Variants in BTD observed in about 807,000 individuals in gnomAD.
BTD encodes the protein biotinidase.
Under a neutral mutation model 17.7 loss-of-function variants are expected in BTD, and 13 were observed. That is an observed-to-expected ratio of 0.74 (90% confidence interval 0.48 to 1.17). BTD has a LOEUF of 1.17. BTD is among the 50% of genes most tolerant of loss of function. The pLI, the probability that BTD is intolerant of heterozygous loss-of-function variation, is 0.00. For synonymous variants in BTD, 240 were observed against 245.2 expected (o/e 0.98, Z 0.20); for missense variants, 674 against 650.4 (o/e 1.04, Z -0.39).
chr3:15,695,215 C>A, intron 3 of BTD: 8 of 1,583,666 alleles, frequency 5.1e-6, no homozygotes, highest in Non-Finnish European at 6.9e-6. Context: ...CACTTGCAAT[C>A]TGAAATAAAA....
chr3:15,635,936 A>G lies in BTD; in HGVS notation c.249+248A>G, dbSNP rs2065336535. ...GGCGGCACCCCAGACCTACTGAATC[A>G]GAATGTGCATTGCAGCAGGATCCCC... On this transcript the variant is annotated intron_variant, in intron 2 of 3. Transcript: ENST00000643237. This position sits in a 1 kb window ranked among gnomAD's most constrained non-coding sequence, Gnocchi z 4.1. Among the ~76,000 whole-genome samples the G allele has an allele frequency of 6.6e-6, 1 of 152,212 alleles. No individual in the cohort carries two copies. Among genetic ancestry groups the G allele is most frequent in the Non-Finnish European group, 1.5e-5 (1 of 68,026 alleles).
chr3:15,696,285 C>G (rs1430205319), intron 3 of BTD: 2 of 1,288,526 alleles, frequency 1.6e-6, no homozygotes, highest in East Asian at 5.0e-5. Context: ...ATCCTAAATC[C>G]TGCATATTAA....
intron 3 of BTD, among the ~76,000 whole-genome samples, chr3:15,702,352 T>TG (rs1325552401): frequency 6.6e-6 from 1 of 152,086 alleles, no homozygotes; most frequent in African/African-American, 2.4e-5. Flanking sequence ...CATTAGAGGG[T>TG]GGGGGCAGAA....
chr3:15,685,860 T>G (rs2068056219), intron 3 of BTD: 2 of 688,504 alleles, frequency 2.9e-6, no homozygotes, highest in Non-Finnish European at 2.4e-6. Context: ...AAATTAGCAT[T>G]TAAAAACTAA....
intron 3 of BTD, among the ~76,000 whole-genome samples, chr3:15,708,907 A>T (rs1397504671): frequency 6.6e-6 from 1 of 152,034 alleles, no homozygotes; most frequent in Non-Finnish European, 1.5e-5. Flanking sequence ...CTTCTCATAC[A>T]CTTTGCTATG....
chr3:15,624,976 A>G (rs746067688), intron 1 of BTD, among the ~76,000 whole-genome samples: 2 of 152,170 alleles, frequency 1.3e-5, no homozygotes, highest in Non-Finnish European at 2.9e-5. Flanking sequence ...TAAGCTCCTT[A>G]GCCTCCCTAA....
intron 3 of BTD, among the ~76,000 whole-genome samples, chr3:15,709,906 T>C (rs1243152836): frequency 2.0e-5 from 3 of 152,194 alleles, no homozygotes; most frequent in Non-Finnish European, 2.9e-5. Flanking sequence ...ATCTAGAATT[T>C]AGAAAGTTAT....
At chr3:15,615,626 C>T (rs1347842640) in intron 1 of BTD, among the ~76,000 whole-genome samples, 1 of 152,146 alleles carries the variant, frequency 6.6e-6, no homozygotes, top group Non-Finnish European at 1.5e-5. Flanking sequence ...GTTTTATGCT[C>T]ACAATAAAAT....
At chr3:15,601,967 C>G (rs1475969202) in intron 1 of BTD, 73 bp downstream of exon 1, 3 of 1,590,086 alleles carry the variant, frequency 1.9e-6, no homozygotes, top group Admixed American at 1.7e-5. Flanking sequence ...CCCCGGGCGC[C>G]CAGTTGGACT....
chr3:15,667,799 GT>G (rs913430259), intron 3 of BTD: 1 of 152,168 alleles, frequency 6.6e-6, no homozygotes, highest in African/African-American at 2.4e-5. Flanking sequence ...AATGTTTTTG[GT>G]AACAGCATCA....
At chr3:15,654,883 C>T (rs1047969068), downstream of BTD, among the ~76,000 whole-genome samples, 6 of 152,252 alleles carry the variant, frequency 3.9e-5, no homozygotes, top group Admixed American at 2.0e-4. Context: ...TACAGGCATG[C>T]GCCACCATAC....
chr3:15,614,528 A>G (rs1446577586), intron 1 of BTD, among the ~76,000 whole-genome samples: 1 of 151,314 alleles, frequency 6.6e-6, no homozygotes, highest in Non-Finnish European at 1.5e-5. Context: ...ATTCTAAACA[A>G]ATTTTTTAAT....
intron 3 of BTD, among the ~76,000 whole-genome samples, chr3:15,671,278 G>GA (rs2066312921): frequency 6.6e-6 from 1 of 152,160 alleles, no homozygotes; most frequent in East Asian, 1.9e-4. Context: ...AACCAAGGAG[G>GA]AAACATTTGG....
intron 3 of BTD, among the ~76,000 whole-genome samples, chr3:15,677,760 A>G (rs577151973): frequency 2.2e-4 from 33 of 152,318 alleles, no homozygotes; most frequent in African/African-American, 7.9e-4. Flanking sequence ...TATAAGTCAC[A>G]CACTCTAACA....
chr3:15,624,154 C>T (rs918193513), intron 1 of BTD, among the ~76,000 whole-genome samples: 2 of 151,962 alleles, frequency 1.3e-5, no homozygotes, highest in African/African-American at 4.8e-5. Context: ...TTTATCTTTG[C>T]TTTTCTGTAA....
downstream of BTD, among the ~76,000 whole-genome samples, chr3:15,655,660 T>C (rs1466213532): frequency 2.0e-5 from 3 of 152,226 alleles, no homozygotes; most frequent in Non-Finnish European, 4.4e-5. Context: ...CCTCTCTCTG[T>C]AAAAGAGGGG....
chr3:15,676,641 T>C (rs2066968449), intron 3 of BTD: 1 of 208,690 alleles, frequency 4.8e-6, no homozygotes, highest in Non-Finnish European at 9.7e-6. Flanking sequence ...TCTTACCTCA[T>C]TTATTGTTAG....
intron 3 of BTD, chr3:15,670,670 A>C (rs2066245659): frequency 2.8e-6 from 3 of 1,087,226 alleles, no homozygotes; most frequent in Non-Finnish European, 3.9e-6. Context: ...TACTTAGCTT[A>C]TAATAAATTG....
intron 1 of BTD, among the ~76,000 whole-genome samples, chr3:15,606,136 A>G (rs984492195): frequency 2.0e-5 from 3 of 151,928 alleles, no homozygotes; most frequent in Admixed American, 1.3e-4. Flanking sequence ...GAAGAAGTAC[A>G]GACTTCCCCT....
Sources: allele counts gnomAD v4.1 joint callset (sites outside exome capture counted in the v4.1 genomes callset), GRCh38; gene constraint gnomAD v4.1.1; non-coding constraint Gnocchi (gnomAD v3.1); transcripts MANE v1.5; gene names NCBI Gene and HGNC (gene_info 2026-07-23, HGNC 2026-07-21).